Variants in DACT2 observed in about 807,000 individuals in gnomAD.
DACT2 encodes dapper homolog 2.
DACT2 carries 20 observed loss-of-function variants against 22.2 expected under a neutral mutation model. The observed-to-expected ratio is 0.90, with a 90% confidence interval of 0.63 to 1.31. The LOEUF (loss-of-function observed/expected upper bound fraction) is 1.31, where lower values mean the gene tolerates loss of function less well. DACT2 is among the 50% of genes most tolerant of loss of function. DACT2 has a pLI of 0.00. For synonymous variants in DACT2, 463 were observed against 479.8 expected, an observed-to-expected ratio of 0.96 and a Z score of 0.46; for missense variants, 1,048 against 1,061.4, an observed-to-expected ratio of 0.99 and a Z score of 0.18.
intron 1 of DACT2, among the ~76,000 whole-genome samples, chr6:168,312,943 C>T (rs937234419): frequency 6.6e-6 from 1 of 152,188 alleles, no homozygotes; most frequent in Non-Finnish European, 1.5e-5. Context: ...AGGCCAGGCT[C>T]GACCCAGCAC....
downstream of DACT2, among the ~76,000 whole-genome samples, chr6:168,304,713 A>C (rs930305134): frequency 2.0e-5 from 3 of 152,152 alleles, no homozygotes; most frequent in Non-Finnish European, 2.9e-5. Context: ...CCTCCTTCCA[A>C]ATCCTGAGGA....
rs1316225164 is a variant in DACT2, at chr6:168,319,290, C to T, written c.246+98G>A. ...CCCAAAGGACGTCCCCTCCATCCATCAGACACCCCCGTCCCACTAACACAC... is the reference window on the plus strand; with the variant it reads ...CCCAAAGGACGTCCCCTCCATCCATTAGACACCCCCGTCCCACTAACACAC... On this transcript the variant is annotated intron_variant, in intron 1 of 3. Transcript: ENST00000366795. 1.0e-5 allele frequency: 11 copies of T among 1,070,682 alleles called. No individual in the cohort carries two copies. The African/African-American group carries it at 1.7e-4, about 16-fold the overall frequency. The allele number at this position is 1,070,682 out of a possible 1,614,324, so 66.3% of individuals were successfully genotyped here.
At position 168,310,320 on chromosome 6, in the gene DACT2, G is replaced by A; in HGVS notation, c.506C>T (p.Pro169Leu). 1.3e-6 allele frequency: 2 copies of A among 1,551,606 alleles called. No homozygotes were observed. The highest frequency in any genetic ancestry group is 1.7e-6 in the Non-Finnish European group (2 of 1,146,970). Reference protein sequence around the residue: ...LPVAQAHKARPSMGDWRPRSV... With the variant: ...LPVAQAHKARLSMGDWRPRSV... ...CCGGGGCCTCCAGTCCCCCATGCTGGGCCTGGCCTTGTGGGCCTGGGCCAC... is the reference window on the plus strand; with the variant it reads ...CCGGGGCCTCCAGTCCCCCATGCTGAGCCTGGCCTTGTGGGCCTGGGCCAC... The change falls in exon 3 of 4, where the codon CCC (proline) becomes CTC (leucine). Residue 169 changes from proline (P) to leucine (L), a missense_variant. Physicochemically the swap from Pro to Leu is moderately conservative, Grantham distance 98. Coordinates refer to ENST00000366795, the MANE Select transcript of DACT2 (RefSeq NM_214462.5).
intron 1 of DACT2, among the ~76,000 whole-genome samples, chr6:168,313,728 TCA>T (rs1779479051): frequency 6.6e-6 from 1 of 152,110 alleles, no homozygotes; most frequent in South Asian, 2.1e-4. Flanking sequence ...CTCTTCCAAA[TCA>T]CACTCTCCTT....
intron 1 of DACT2, 56 bp downstream of exon 1, chr6:168,319,332 G>C: frequency 8.5e-7 from 1 of 1,181,346 alleles, no homozygotes; most frequent in East Asian, 3.7e-5. Flanking sequence ...TGCCGAAGGA[G>C]CAGCGCCTGT....
At position 168,308,626 on chromosome 6, in the gene DACT2, C is replaced by T. The variant is rs776701452; in HGVS notation, c.1131G>A (p.Gly377=). The T allele has an allele frequency of 6.5e-7, 1 of 1,544,348 alleles. No individual in the cohort carries two copies. Among genetic ancestry groups the T allele is most frequent in the Non-Finnish European group, 8.7e-7 (1 of 1,146,940 alleles). The part of the protein sequence containing the change: ...RQGGWSTDGG[G]RLLVFAPGRE... ...TCCCTGGGGCGAAGACCAGCAGTCG[C>T]CCTCCACCGTCTGTACTCCAGCCAC... Residue 377 remains glycine, a synonymous_variant, in exon 4 of 4, where the codon GGG becomes GGA. Transcript: ENST00000366795.
In DACT2 at chr6:168,294,573, G is replaced by GTA. The variant is rs766244346; in HGVS notation, c.730+59_730+60insTA. On this transcript the variant is annotated intron_variant, in intron 4 of 5. Transcript: ENST00000366796. The stretch of plus-strand genomic sequence containing the variant: ...TGTGTGTGTGTGTATGTGTGTGTGT[G>GTA]TGTGTATATATATATATATATATAT... 2.4e-3 allele frequency: 1,124 copies of GTA among 461,532 alleles called. 34 individuals are homozygous for GTA. The African/African-American group carries it at 0.049, about 20-fold the overall frequency. The allele number at this position is 461,532 out of a possible 1,614,324, so 28.6% of individuals were successfully genotyped here. A position where few individuals can be genotyped will look rare whatever the true frequency, so the allele number is the denominator to read the frequency against.
At chr6:168,315,612 C>CAA (rs1167041092) in intron 1 of DACT2, among the ~76,000 whole-genome samples, 1 of 152,248 alleles carries the variant, frequency 6.6e-6, no homozygotes, top group African/African-American at 2.4e-5. Context: ...CTCTACTGCA[C>CAA]TCTCTTGTGG....
intron 1 of DACT2, among the ~76,000 whole-genome samples, chr6:168,318,872 G>A (rs1309622367): frequency 6.6e-6 from 1 of 152,116 alleles, no homozygotes; most frequent in Non-Finnish European, 1.5e-5. Context: ...TTACAGTGAC[G>A]CGACCTTAAG....
chr6:168,297,485 C>G (rs1779028015), intron 3 of DACT2, among the ~76,000 whole-genome samples: 1 of 152,184 alleles, frequency 6.6e-6, no homozygotes, highest in Non-Finnish European at 1.5e-5. Flanking sequence ...CCCAGAGCCA[C>G]TGGCTTCTAG....
rs1337449331 is a variant in DACT2, at chr6:168,307,812, A to AG, written c.1944dup (p.Ser649LeufsTer23). 1 of 1,539,900 alleles carries AG rather than the reference A, an allele frequency of 6.5e-7. No individual in the cohort carries two copies. Among genetic ancestry groups the AG allele is most frequent in the African/African-American group, 1.4e-5 (1 of 72,834 alleles). On this transcript the variant is annotated frameshift_variant, in exon 4 of 4. Coordinates refer to ENST00000366795, the MANE Select transcript of DACT2 (RefSeq NM_214462.5). LOFTEE classifies it low-confidence loss of function (END_TRUNC). This position sits in a 1 kb window ranked among gnomAD's most constrained non-coding sequence, Gnocchi z 5.3. The stretch of plus-strand genomic sequence containing the variant: ...GTGTAGGCGTCCTGGCGGACCAGTG[A>AG]GGGACGGCCCCGGGCCAGTGGGCCA...
chr6:168,305,893 A>C (rs1779195317), downstream of DACT2, among the ~76,000 whole-genome samples: 1 of 152,210 alleles, frequency 6.6e-6, no homozygotes, highest in South Asian at 2.1e-4. Context: ...GATTTCAGGA[A>C]GGGCAGGTGA....
intron 3 of DACT2, among the ~76,000 whole-genome samples, chr6:168,301,792 T>G (rs1019315263): frequency 6.6e-6 from 1 of 152,230 alleles, no homozygotes; most frequent in East Asian, 1.9e-4. Flanking sequence ...AACCTTTGTT[T>G]GTCCACACCC....
chr6:168,304,617 GC>G (rs1331670779), downstream of DACT2, among the ~76,000 whole-genome samples: 2 of 152,214 alleles, frequency 1.3e-5, no homozygotes, highest in African/African-American at 4.8e-5. Context: ...CTATAGGGAG[GC>G]CATAACCTGG....
In DACT2 at chr6:168,319,580, C is replaced by A; in HGVS notation, c.54G>T (p.Leu18Phe). The change falls in exon 1 of 4, where the codon TTG becomes TTT. Residue 18 changes from leucine (L) to phenylalanine (F), a missense_variant. Leu to Phe is a conservative substitution (Grantham distance 22). Coordinates refer to ENST00000366795, the MANE Select transcript of DACT2 (RefSeq NM_214462.5). ...CGAACGCCGCGCGCAACCTCGCGCC[C>A]AACCTACGGCGGTCCCAGCCCGCGG... is the stretch of plus-strand genomic sequence containing the variant. ...PGSAGWDRRR[L>F]GARLRAAFAG... The A allele has an allele frequency of 7.3e-7, 1 of 1,368,272 alleles. No homozygotes were observed. The allele number at this position is 1,368,272 out of a possible 1,614,324, so 84.8% of individuals were successfully genotyped here. A position where few individuals can be genotyped will look rare whatever the true frequency, so the allele number is the denominator to read the frequency against.
At chr6:168,314,883 C>T (rs542070740) in intron 1 of DACT2, among the ~76,000 whole-genome samples, 1 of 152,140 alleles carries the variant, frequency 6.6e-6, no homozygotes, top group Non-Finnish European at 1.5e-5. Context: ...GCAAAGGGGT[C>T]CCTGGTCCAC....
At chr6:168,309,231 G>C in intron 3 of DACT2, 133 bp from the exon 4 acceptor site, 1 of 1,369,510 alleles carries the variant, frequency 7.3e-7, no homozygotes, top group Non-Finnish European at 9.6e-7. Flanking sequence ...GGGTCCCATG[G>C]GAGACGGCGA....
downstream of DACT2, among the ~76,000 whole-genome samples, chr6:168,305,596 G>A (rs752635652): frequency 3.1e-4 from 41 of 132,032 alleles, no homozygotes; most frequent in African/African-American, 8.9e-4. Context: ...TCCTAGCCAC[G>A]TCTTCAGCCC....
At chr6:168,312,215 A>G (rs1225145079) in intron 1 of DACT2, among the ~76,000 whole-genome samples, 4 of 152,178 alleles carry the variant, frequency 2.6e-5, no homozygotes, top group Non-Finnish European at 5.9e-5. Flanking sequence ...TTTGTTTTAG[A>G]GACAGGGTCT....
Sources: allele counts gnomAD v4.1 joint callset (sites outside exome capture counted in the v4.1 genomes callset), GRCh38; gene constraint gnomAD v4.1.1; non-coding constraint Gnocchi (gnomAD v3.1); transcripts MANE v1.5; gene names NCBI Gene and HGNC (gene_info 2026-07-23, HGNC 2026-07-21).